The following SGPP2 variants were observed in gnomAD, a reference collection of about 807,000 sequenced individuals.
The protein encoded by SGPP2 is sphingosine 1-phosphate phosphohydrolase 2.
A neutral mutation model predicts 33.9 loss-of-function variants in SGPP2; 30 were observed. That is an observed-to-expected ratio of 0.89 (90% CI 0.66 to 1.20). The LOEUF (loss-of-function observed/expected upper bound fraction) is 1.20, where lower values mean the gene tolerates loss of function less well. Among genes scored for constraint, SGPP2 ranks in the 50% most tolerant of loss-of-function variants. The pLI, the probability that SGPP2 is intolerant of heterozygous loss-of-function variation, is 0.00. For missense variants in SGPP2, 458 were observed against 532.1 expected (o/e 0.86, Z 1.37); for synonymous variants, 233 against 225.0 (o/e 1.04, Z -0.32).
Position 222,518,655 on chromosome 2 carries a change from A to G in SGPP2, c.379-3112A>G, listed in dbSNP as rs142141591. Among the ~76,000 whole-genome samples the G allele has an allele frequency of 2.0e-5, 3 of 152,342 alleles. No homozygotes were observed. In the East Asian group the frequency reaches 5.8e-4, roughly 29 times the overall value. On this transcript the variant is annotated intron_variant, in intron 2 of 4. Transcript: ENST00000321276. ...TTTTACAGGTTCACAGGAGGGAGGC[A>G]GAAACATAAAAAGAGTGAGCTGATT...
chr2:222,541,304 C>T (rs1433262628), intron 4 of SGPP2, among the ~76,000 whole-genome samples: 1 of 135,336 alleles, frequency 7.4e-6, no homozygotes, highest in Admixed American at 6.9e-5. Context: ...TTTGAGGCAC[C>T]AGTTCTTAGG....
chr2:222,427,760 TG>T (rs1697094491), intron 1 of SGPP2, among the ~76,000 whole-genome samples: 1 of 152,210 alleles, frequency 6.6e-6, no homozygotes, highest in Admixed American at 6.5e-5. Flanking sequence ...CCTTTCACAT[TG>T]TCTATATTTG....
chr2:222,458,192 G>T (rs189191302), intron 1 of SGPP2, among the ~76,000 whole-genome samples: 4 of 151,692 alleles, frequency 2.6e-5, no homozygotes, highest in Non-Finnish European at 5.9e-5. Context: ...GGAACTACAG[G>T]CAAGTGCCAC....
Position 222,424,740 on chromosome 2 carries a change from C to G in SGPP2, c.138C>G (p.Pro46=). The G allele has an allele frequency of 1.4e-6, 2 of 1,424,132 alleles. No homozygotes were observed. The highest frequency in any genetic ancestry group is 2.7e-5 in the Admixed American group (1 of 37,076). The allele number at this position is 1,424,132 out of a possible 1,614,324, so 88.2% of individuals were successfully genotyped here. A position where few individuals can be genotyped will look rare whatever the true frequency, so the allele number is the denominator to read the frequency against. ...ADPTERAARV[P]GVEHLPAANG... ...CCACGGAGCGCGCGGCGCGGGTCCC[C>G]GGGGTCGAGCATCTCCCCGCAGCCA... The change falls in exon 1 of 5, where the codon CCC becomes CCG. Residue 46 remains proline (P), a synonymous_variant. Transcript: ENST00000321276.
intron 1 of SGPP2, among the ~76,000 whole-genome samples, chr2:222,435,714 T>C (rs1697229320): frequency 6.6e-6 from 1 of 152,168 alleles, no homozygotes. Context: ...GGAAATAAAA[T>C]GAAGGTATTT....
intron 4 of SGPP2, among the ~76,000 whole-genome samples, chr2:222,528,960 T>C (rs1385476599): frequency 6.6e-6 from 1 of 152,204 alleles, no homozygotes; most frequent in East Asian, 1.9e-4. Context: ...CAATTGACTC[T>C]TCCTTTTAGG....
In SGPP2 at chr2:222,477,347, G is replaced by A. The variant is rs1475680910; in HGVS notation, c.378+2621G>A. On this transcript the variant is annotated intron_variant, in intron 2 of 4. Coordinates refer to ENST00000321276, the MANE Select transcript of SGPP2 (RefSeq NM_152386.4). This position sits in a 1 kb window ranked among gnomAD's most constrained non-coding sequence, Gnocchi z 6.0. ...TGTGTGTCTATGTGTGTGTGTATAG[G>A]TGTGTATATATGTGTATGTGTGTAT... Among the ~76,000 whole-genome samples, 1 of 146,952 alleles carries A rather than the reference G, an allele frequency of 6.8e-6. No individual in the cohort carries two copies. Among genetic ancestry groups the A allele is most frequent in the Non-Finnish European group, 1.5e-5 (1 of 66,434 alleles).
intron 2 of SGPP2, among the ~76,000 whole-genome samples, chr2:222,512,478 A>G (rs1698544350): frequency 1.3e-5 from 2 of 152,102 alleles, no homozygotes; most frequent in Admixed American, 6.5e-5. Flanking sequence ...CTACATTGAC[A>G]TATCATTATT....
chr2:222,519,657 T>TATTATATTATA (rs1313025669), intron 2 of SGPP2, among the ~76,000 whole-genome samples: 1 of 152,190 alleles, frequency 6.6e-6, no homozygotes, highest in African/African-American at 2.4e-5. Flanking sequence ...AACAATAGTT[T>TATTATATTATA]TTCAACCTAC....
intron 1 of SGPP2, among the ~76,000 whole-genome samples, chr2:222,427,668 T>G (rs2106053103): frequency 6.6e-6 from 1 of 152,340 alleles, no homozygotes; most frequent in East Asian, 1.9e-4. Flanking sequence ...AGGACGTTGA[T>G]TTAGGACCCT....
intron 2 of SGPP2, among the ~76,000 whole-genome samples, chr2:222,478,295 G>GTGTA (rs770770754): frequency 2.7e-4 from 38 of 138,602 alleles, no homozygotes; most frequent in Non-Finnish European, 5.8e-4. Context: ...GTGTGTGTGT[G>GTGTA]TATACGTACG....
intron 2 of SGPP2, among the ~76,000 whole-genome samples, chr2:222,492,284 C>T (rs1432199501): frequency 6.6e-6 from 1 of 152,248 alleles, no homozygotes; most frequent in African/African-American, 2.4e-5. Context: ...GGCCTCCACC[C>T]CTGCAGCAAA....
intron 1 of SGPP2, 84 bp from the exon 2 acceptor site, chr2:222,474,484 T>C: frequency 7.8e-7 from 1 of 1,279,994 alleles, no homozygotes; most frequent in Non-Finnish European, 1.1e-6. Flanking sequence ...TCTTGGCAAT[T>C]GAGACCTGTG....
At chr2:222,537,225 G>A (rs1698929080) in intron 4 of SGPP2, among the ~76,000 whole-genome samples, 2 of 152,134 alleles carry the variant, frequency 1.3e-5, no homozygotes, top group Non-Finnish European at 2.9e-5. Context: ...GCCCTTTCTA[G>A]GCATGATATC....
intron 3 of SGPP2, among the ~76,000 whole-genome samples, chr2:222,523,677 T>C (rs956015875): frequency 6.6e-6 from 1 of 151,676 alleles, no homozygotes; most frequent in African/African-American, 2.4e-5. Flanking sequence ...CAGCTCTAAA[T>C]ATTGGTTTAT....
Position 222,424,802 on chromosome 2 carries a change from G to A in SGPP2, c.200G>A (p.Arg67His), listed in dbSNP as rs1402122405. 3.6e-6 allele frequency: 5 copies of A among 1,378,454 alleles called. No homozygotes were observed. Among genetic ancestry groups the A allele is most frequent in the South Asian group, 1.6e-5 (1 of 60,984 alleles). The allele number at this position is 1,378,454 out of a possible 1,614,324, so 85.4% of individuals were successfully genotyped here. The change falls in exon 1 of 5, where the codon CGC (arginine) becomes CAC (histidine). Residue 67 changes from arginine to histidine, a missense_variant. Physicochemically the swap from Arg to His is conservative, Grantham distance 29 (BLOSUM62 0). Transcript: ENST00000321276. ...GGCGAGGCTCCGGCCAACGGGCTGC[G>A]CAGAGCCGCGGCGCCGGAGGTAACC... ...KGGEAPANGLRRAAAPEAYVQ... is the reference protein window; with the variant it reads ...KGGEAPANGLHRAAAPEAYVQ...
intron 2 of SGPP2, among the ~76,000 whole-genome samples, chr2:222,508,054 A>C (rs1698471858): frequency 6.6e-6 from 1 of 152,204 alleles, no homozygotes; most frequent in African/African-American, 2.4e-5. Flanking sequence ...TGTGATGTCC[A>C]TCTAATGGCA....
intron 1 of SGPP2, among the ~76,000 whole-genome samples, chr2:222,468,629 G>A (rs1697789784): frequency 7.1e-6 from 1 of 140,736 alleles, no homozygotes; most frequent in Non-Finnish European, 1.6e-5. Context: ...ATGTCCAGTG[G>A]CGCTGACCTG....
intron 1 of SGPP2, among the ~76,000 whole-genome samples, chr2:222,435,620 A>G (rs535012598): frequency 6.6e-6 from 1 of 152,354 alleles, no homozygotes; most frequent in South Asian, 2.1e-4. Context: ...CCACGCCCCA[A>G]CGCAAGTACT....
Sources: gnomAD v4.1 joint callset for allele counts (sites outside exome capture counted in the v4.1 genomes callset) on GRCh38, gnomAD v4.1.1 for gene constraint, Gnocchi (gnomAD v3.1) non-coding constraint, MANE v1.5 for transcripts, NCBI Gene and HGNC (gene_info 2026-07-23, HGNC 2026-07-21) for gene names.